The following KIRREL3 variants were observed in gnomAD, a reference collection of about 807,000 sequenced individuals.
KIRREL3 encodes the protein kirre like nephrin family adhesion molecule 3.
Under a neutral mutation model 89.7 loss-of-function variants are expected in KIRREL3, and 36 were observed. The ratio of observed to expected loss-of-function variants is 0.40; its 90% CI spans 0.31 to 0.53. KIRREL3 has a LOEUF of 0.53. Among genes scored for constraint, KIRREL3 ranks in the 20% least tolerant of loss-of-function variants. KIRREL3 has a pLI of 0.49. For synonymous variants in KIRREL3, 445 were observed against 441.4 expected (o/e 1.01, Z -0.10); for missense variants, 864 against 1,056.6 (o/e 0.82, Z 2.53).
intron 1 of KIRREL3, among the ~76,000 whole-genome samples, chr11:126,854,666 T>A (rs1359176410): frequency 6.6e-6 from 1 of 152,252 alleles, no homozygotes; most frequent in Non-Finnish European, 1.5e-5. Context: ...CTATTGTGAA[T>A]AATGTTGCCA....
At chr11:126,648,150 T>C (rs117050320) in intron 1 of KIRREL3, among the ~76,000 whole-genome samples, 1,912 of 152,310 alleles carry the variant, frequency 0.013, 17 homozygotes, top group Non-Finnish European at 0.02. Context: ...GGCCATCTAA[T>C]ATGGGCCTAC....
Position 126,605,718 on chromosome 11 carries a change from C to T in KIRREL3, c.56-42806G>A, listed in dbSNP as rs150864251. On this transcript the variant is annotated intron_variant, in intron 1 of 16. Coordinates refer to ENST00000525144, the MANE Select transcript of KIRREL3 (RefSeq NM_032531.4). The surrounding 1 kb of genome is among the most constrained non-coding windows in gnomAD (Gnocchi z 5.7). ...ATGCTGGGCCTGGAGCTGTGCGTCC[C>T]GCCTGAGTTGAGTAGGGATGCTGGG... 2.6e-5 allele frequency among the ~76,000 whole-genome samples: 4 copies of T among 152,272 alleles called. No homozygotes were observed. Among genetic ancestry groups the T allele is most frequent in the African/African-American group, 7.2e-5 (3 of 41,550 alleles).
intron 1 of KIRREL3, among the ~76,000 whole-genome samples, chr11:126,972,204 G>GAGAGAGAGAGAGAGAGAGAGAGAGAGA (rs1555110558): frequency 2.5e-4 from 36 of 146,524 alleles, no homozygotes; most frequent in African/African-American, 3.8e-4. Flanking sequence ...GAGAGAGAGA[G>GAGAGAGAGAGAGAGAGAGAGAGAGAGA]GACTGTGCAT....
rs1237083108 is a variant in KIRREL3, at chr11:126,525,785, G to T, written c.283+753C>A. 1.3e-5 allele frequency among the ~76,000 whole-genome samples: 2 copies of T among 152,174 alleles called. No homozygotes were observed. The highest frequency in any genetic ancestry group is 2.9e-5 in the Non-Finnish European group (2 of 68,044). ...TAGGACAGAATAATGATAGCTGAAGGGTGTGTGACCAGGGGGATGAGCCAT... is the reference window on the plus strand; with the variant it reads ...TAGGACAGAATAATGATAGCTGAAGTGTGTGTGACCAGGGGGATGAGCCAT... On this transcript the variant is annotated intron_variant, in intron 3 of 16. Transcript: ENST00000525144. This position sits in a 1 kb window ranked among gnomAD's most constrained non-coding sequence, Gnocchi z 5.4.
In KIRREL3 at chr11:126,653,945, T is replaced by C. The variant is rs1945015516; in HGVS notation, c.56-91033A>G. Among the ~76,000 whole-genome samples the C allele has an allele frequency of 6.6e-6, 1 of 152,170 alleles. No individual in the cohort carries two copies. Among genetic ancestry groups the C allele is most frequent in the South Asian group, 2.1e-4 (1 of 4,828 alleles). ...CTCCATGCGATTCAGGGGAAGGTGA[T>C]ACCACTTCTGCCTAGAGGGTGACCC... On this transcript the variant is annotated intron_variant, in intron 1 of 16. Coordinates refer to ENST00000525144, the MANE Select transcript of KIRREL3 (RefSeq NM_032531.4). This position sits in a 1 kb window ranked among gnomAD's most constrained non-coding sequence, Gnocchi z 5.4.
rs1386026209 is a variant in KIRREL3, at chr11:126,496,454, A to T, written c.434-22988T>A. Among the ~76,000 whole-genome samples, 1 of 152,070 alleles carries T rather than the reference A, an allele frequency of 6.6e-6. No individual in the cohort carries two copies. Among genetic ancestry groups the T allele is most frequent in the Non-Finnish European group, 1.5e-5 (1 of 68,026 alleles). Reference sequence around the variant, plus strand: ...CCAGTCTTAGGGCCTAGGAATTCCCATGATAAGTTCAGTGCCTTCCCTGCC... The same window carrying T: ...CCAGTCTTAGGGCCTAGGAATTCCCTTGATAAGTTCAGTGCCTTCCCTGCC... On this transcript the variant is annotated intron_variant, in intron 4 of 16. Transcript: ENST00000525144. This position sits in a 1 kb window ranked among gnomAD's most constrained non-coding sequence, Gnocchi z 4.9.
rs186781276 is a variant in KIRREL3, at chr11:126,993,027, C to T, written c.55+7428G>A. 6.6e-6 allele frequency among the ~76,000 whole-genome samples: 1 copy of T among 152,300 alleles called. No individual in the cohort carries two copies. The highest frequency in any genetic ancestry group is 1.9e-4 in the East Asian group (1 of 5,182). On this transcript the variant is annotated intron_variant, in intron 1 of 16. Coordinates refer to ENST00000525144, the MANE Select transcript of KIRREL3 (RefSeq NM_032531.4). The surrounding 1 kb of genome is among the most constrained non-coding windows in gnomAD (Gnocchi z 6.1). ...AAGGTCAGTTCCCCCCATACTTATTCTCTTGCTCACTTCATCCATCAGCTA... is the reference window on the plus strand; with the variant it reads ...AAGGTCAGTTCCCCCCATACTTATTTTCTTGCTCACTTCATCCATCAGCTA...
chr11:126,670,627 G>A (rs1427525048), intron 1 of KIRREL3, among the ~76,000 whole-genome samples: 2 of 152,176 alleles, frequency 1.3e-5, no homozygotes, highest in Non-Finnish European at 2.9e-5. Flanking sequence ...ATAAACAGAA[G>A]TTAATTTTTT....
At position 126,576,128 on chromosome 11, in the gene KIRREL3, T is replaced by C. The variant is rs143338738; in HGVS notation, c.56-13216A>G. Among the ~76,000 whole-genome samples, 19 of 152,308 alleles carry C rather than the reference T, an allele frequency of 1.2e-4. No individual in the cohort carries two copies. The East Asian group carries it at 3.7e-3, about 29-fold the overall frequency. On this transcript the variant is annotated intron_variant, in intron 1 of 16. Transcript: ENST00000525144. The surrounding 1 kb of genome is among the most constrained non-coding windows in gnomAD (Gnocchi z 5.4). Reference sequence around the variant, plus strand: ...AGACAGGGATGATCTACTCTAATGTTCAACAGATTAATATTTGATTTAGCA... The same window carrying C: ...AGACAGGGATGATCTACTCTAATGTCCAACAGATTAATATTTGATTTAGCA...
At chr11:126,659,972 C>G (rs996129328) in intron 1 of KIRREL3, among the ~76,000 whole-genome samples, 2 of 152,178 alleles carry the variant, frequency 1.3e-5, no homozygotes, top group African/African-American at 2.4e-5. Flanking sequence ...TGGCAAGCTC[C>G]ACCCTCTAGG....
At chr11:126,820,379 A>G (rs999654994) in intron 1 of KIRREL3, among the ~76,000 whole-genome samples, 10 of 152,130 alleles carry the variant, frequency 6.6e-5, no homozygotes, top group African/African-American at 2.4e-4. Context: ...GAAAAGATAC[A>G]CGCATAGAAG....
At chr11:126,858,750 T>C (rs2134603749) in intron 1 of KIRREL3, among the ~76,000 whole-genome samples, 1 of 152,284 alleles carries the variant, frequency 6.6e-6, no homozygotes, top group Admixed American at 6.5e-5. Flanking sequence ...AGACAGCTGA[T>C]AGGCAGTGTC....
Position 126,655,303 on chromosome 11 carries a change from CT to C in KIRREL3, c.56-92392del, listed in dbSNP as rs557201509. 1.3e-5 allele frequency among the ~76,000 whole-genome samples: 2 copies of C among 152,162 alleles called. No homozygotes were observed. The highest frequency in any genetic ancestry group is 2.9e-5 in the Non-Finnish European group (2 of 68,024). ...CTGGAAAACAATGTGAGCAGTATCT[CT>C]CAAAATTAGGTCAGGGCTTGCAGAG... On this transcript the variant is annotated intron_variant, in intron 1 of 16. Coordinates refer to ENST00000525144, the MANE Select transcript of KIRREL3 (RefSeq NM_032531.4). This position sits in a 1 kb window ranked among gnomAD's most constrained non-coding sequence, Gnocchi z 5.0.
At chr11:126,945,607 C>T (rs549100924) in intron 1 of KIRREL3, among the ~76,000 whole-genome samples, 1 of 152,272 alleles carries the variant, frequency 6.6e-6, no homozygotes, top group Admixed American at 6.5e-5. Context: ...ACTACCTTCA[C>T]CCTAATCACC....
At chr11:126,631,081 T>C (rs1944000615) in intron 1 of KIRREL3, among the ~76,000 whole-genome samples, 1 of 152,126 alleles carries the variant, frequency 6.6e-6, no homozygotes, top group African/African-American at 2.4e-5. Flanking sequence ...TACTTCGTGT[T>C]CCCTCTTCAT....
rs1314800685 is a variant in KIRREL3, at chr11:126,993,946, T to C, written c.55+6509A>G. ...AAACTTGCAACAACAATCCACTGAA[T>C]ACAGGCCAAGTGAGCAGACCATCTA... On this transcript the variant is annotated intron_variant, in intron 1 of 16. Transcript: ENST00000525144. The surrounding 1 kb of genome is among the most constrained non-coding windows in gnomAD (Gnocchi z 6.1). Among the ~76,000 whole-genome samples, 1 of 152,120 alleles carries C rather than the reference T, an allele frequency of 6.6e-6. No individual in the cohort carries two copies. Among genetic ancestry groups the C allele is most frequent in the Non-Finnish European group, 1.5e-5 (1 of 68,022 alleles).
chr11:126,932,705 CCT>C, intron 1 of KIRREL3, among the ~76,000 whole-genome samples: 1 of 152,148 alleles, frequency 6.6e-6, no homozygotes, highest in Non-Finnish European at 1.5e-5. Context: ...GGGCAAAAGG[CCT>C]ATGTATTTAA....
chr11:126,903,033 C>CA lies in KIRREL3; in HGVS notation c.55+97421dup, dbSNP rs1467692001. 6.6e-6 allele frequency among the ~76,000 whole-genome samples: 1 copy of CA among 152,028 alleles called. No individual in the cohort carries two copies. The highest frequency in any genetic ancestry group is 1.5e-5 in the Non-Finnish European group (1 of 67,990). On this transcript the variant is annotated intron_variant, in intron 1 of 16. Coordinates refer to ENST00000525144, the MANE Select transcript of KIRREL3 (RefSeq NM_032531.4). This position sits in a 1 kb window ranked among gnomAD's most constrained non-coding sequence, Gnocchi z 4.5. ...GCGTCCTATGACCTTGTGAAAGAAG[C>CA]AAAAAATAGCATCATTTACTCAGCA... is the stretch of plus-strand genomic sequence containing the variant.
At chr11:126,507,131 A>C (rs1958047473) in intron 4 of KIRREL3, among the ~76,000 whole-genome samples, 1 of 152,174 alleles carries the variant, frequency 6.6e-6, no homozygotes, top group African/African-American at 2.4e-5. Context: ...GCCACATATG[A>C]TATGATTCTA....
Sources: allele counts gnomAD v4.1 joint callset (sites outside exome capture counted in the v4.1 genomes callset), GRCh38; gene constraint gnomAD v4.1.1; non-coding constraint Gnocchi (gnomAD v3.1); transcripts MANE v1.5; gene names NCBI Gene and HGNC (gene_info 2026-07-23, HGNC 2026-07-21).